SGCE: variants seen among roughly 807,000 people sequenced by gnomAD.
The protein encoded by SGCE is epsilon-sarcoglycan.
In SGCE, 26 loss-of-function variants were observed where a neutral mutation model predicts 57.8. The observed-to-expected ratio is 0.45, with a 90% CI of 0.33 to 0.62. The LOEUF is 0.62. Ranked by LOEUF, SGCE falls within the 20% of genes least tolerant of loss-of-function variation. The pLI, the probability that SGCE is intolerant of heterozygous loss-of-function variation, is 0.02. For synonymous variants in SGCE, 183 were observed against 189.5 expected (o/e 0.97, Z 0.28); for missense variants, 468 against 548.6 (o/e 0.85, Z 1.47).
chr7:94,609,091 C>A lies in SGCE; in HGVS notation c.663-5639G>T, dbSNP rs937640128. ...TGGACTTAATTAAAATTAAAAATTT[C>A]TCTTCTGCAAAAGACACTGCCAGTA... On this transcript the variant is annotated intron_variant, in intron 5 of 10. Coordinates refer to ENST00000648936, the MANE Select transcript of SGCE (RefSeq NM_003919.3). Among the ~76,000 whole-genome samples the A allele has an allele frequency of 4.6e-5, 7 of 152,292 alleles. No homozygotes were observed. The East Asian group carries it at 9.6e-4, about 21-fold the overall frequency.
Position 94,585,327 on chromosome 7 carries a change from A to G in SGCE, c.*172T>C, listed in dbSNP as rs112954947. ...TGTCAAAAATGCTTTAAGTACAAAA[A>G]AATACATTAGTAAAATGAAAGTTAT... On this transcript the variant is annotated 3_prime_UTR_variant, in exon 11 of 11. Transcript: ENST00000648936. The G allele has an allele frequency of 4.1e-4, 226 of 552,344 alleles. No homozygotes were observed. The highest frequency in any genetic ancestry group is 6.6e-4 in the Non-Finnish European group (205 of 310,154). 34.2% of individuals were successfully genotyped at this position (552,344 alleles called of 1,614,324 possible).
chr7:94,624,279 T>C (rs1446697075), intron 3 of SGCE: 2 of 397,934 alleles, frequency 5.0e-6, no homozygotes, highest in Non-Finnish European at 8.9e-6. Flanking sequence ...TAAAACTGAC[T>C]TCAACTAAAA....
At chr7:94,610,626 C>A (rs1800872612) in intron 5 of SGCE, among the ~76,000 whole-genome samples, 3 of 151,956 alleles carry the variant, frequency 2.0e-5, no homozygotes, top group Admixed American at 6.6e-5. Context: ...ACACTAAAAG[C>A]TCCAGCAGTA....
intron 4 of SGCE, chr7:94,620,756 T>A (rs1336292557): frequency 2.6e-5 from 4 of 152,262 alleles, no homozygotes; most frequent in African/African-American, 9.6e-5. Flanking sequence ...TGACCCAGCT[T>A]CATGGCTCCT....
intron 7 of SGCE, 123 bp from the exon 8 acceptor site, chr7:94,599,846 A>T: frequency 1.3e-6 from 1 of 775,996 alleles, no homozygotes; most frequent in Non-Finnish European, 2.3e-6. Context: ...AAATGCAACC[A>T]GGCAGCATTT....
At chr7:94,654,945 G>A (rs1439658750) in intron 1 of SGCE, among the ~76,000 whole-genome samples, 1 of 152,190 alleles carries the variant, frequency 6.6e-6, no homozygotes, top group Non-Finnish European at 1.5e-5. Context: ...TGACACTGAG[G>A]CGCTTAGATG....
chr7:94,639,179 A>C (rs1806029610), intron 1 of SGCE, among the ~76,000 whole-genome samples: 2 of 152,218 alleles, frequency 1.3e-5, no homozygotes, highest in African/African-American at 4.8e-5. Context: ...ACGGGATCTA[A>C]AACAGAAGTT....
At chr7:94,622,274 C>A (rs1802910581) in intron 4 of SGCE, 1 of 152,094 alleles carries the variant, frequency 6.6e-6, no homozygotes, top group Non-Finnish European at 1.5e-5. Flanking sequence ...GGATCAGTTT[C>A]CCTCCTGTCA....
intron 10 of SGCE, chr7:94,587,903 T>G: frequency 6.7e-7 from 1 of 1,488,042 alleles, no homozygotes; most frequent in Non-Finnish European, 8.9e-7. Flanking sequence ...TTTAAGAGAC[T>G]TACTTAATAG....
At chr7:94,614,674 T>TTTATA (rs1801612186) in intron 5 of SGCE, among the ~76,000 whole-genome samples, 1 of 152,140 alleles carries the variant, frequency 6.6e-6, no homozygotes, top group African/African-American at 2.4e-5. Flanking sequence ...CTTTTTCAGG[T>TTTATA]GTAGAAATGT....
At chr7:94,591,854 T>C (rs1299466426) in intron 9 of SGCE, among the ~76,000 whole-genome samples, 2 of 152,168 alleles carry the variant, frequency 1.3e-5, no homozygotes. Flanking sequence ...AGAAGATGCA[T>C]AAGAAAGCAA....
chr7:94,598,658 T>C (rs1798766881), intron 9 of SGCE, 117 bp downstream of exon 9: 3 of 806,264 alleles, frequency 3.7e-6, no homozygotes, highest in Admixed American at 3.5e-5. Context: ...TGTCCTTTTG[T>C]TATTTTCTCT....
At position 94,598,930 on chromosome 7, in the gene SGCE, T is replaced by C; in HGVS notation, c.1098A>G (p.Lys366=). The part of the protein sequence containing the change: ...IQLVHHSAIQ[K]STKELRDMSK... ...ACATGTCTCGAAGCTCCTTGGTAGA[T>C]TTCTGAATAGCACTGTGATGGACCA... Residue 366 remains lysine (K), a synonymous_variant, in exon 9 of 11, where the codon AAA becomes AAG. Transcript: ENST00000648936. 1 of 1,613,954 alleles carries C rather than the reference T, an allele frequency of 6.2e-7. No homozygotes were observed.
chr7:94,637,052 T>G (rs188685167), intron 1 of SGCE, among the ~76,000 whole-genome samples: 1 of 143,236 alleles, frequency 7.0e-6, no homozygotes, highest in African/African-American at 2.6e-5. Context: ...AGAGCGAAAC[T>G]CCATCTCAAA....
intron 1 of SGCE, 45 bp downstream of exon 1, chr7:94,655,945 G>A: frequency 8.0e-7 from 1 of 1,257,690 alleles, no homozygotes; most frequent in Non-Finnish European, 1.2e-6. Flanking sequence ...GGGAGGCGGC[G>A]GCCTGTTGGC....
At chr7:94,617,762 C>T (rs1426940996) in intron 5 of SGCE, 1 of 145,710 alleles carries the variant, frequency 6.9e-6, no homozygotes, top group African/African-American at 2.6e-5. Context: ...TTGGACTTTA[C>T]AGCTCACTGT....
chr7:94,636,291 G>A (rs1805585669), intron 1 of SGCE, among the ~76,000 whole-genome samples: 1 of 152,132 alleles, frequency 6.6e-6, no homozygotes, highest in African/African-American at 2.4e-5. Flanking sequence ...AGCTTTATAT[G>A]TCATCCTGTC....
rs575076257 is a variant in SGCE at position 94,619,055 on chromosome 7, C to T, written c.464-99G>A. The stretch of plus-strand genomic sequence containing the variant: ...GCGATTTGTTGAGTTCTGTCATAAT[C>T]CTGGCAGCAGGAAGCAATATTAATA... On this transcript the variant is annotated intron_variant, in intron 4 of 10. Coordinates refer to ENST00000648936, the MANE Select transcript of SGCE (RefSeq NM_003919.3). 5.9e-6 allele frequency: 5 copies of T among 854,388 alleles called. No homozygotes were observed. In the African/African-American group the frequency reaches 8.3e-5, roughly 14 times the overall value. 52.9% of individuals were successfully genotyped at this position (854,388 alleles called of 1,614,324 possible).
chr7:94,652,629 A>C (rs773428770), intron 1 of SGCE, among the ~76,000 whole-genome samples: 60 of 152,230 alleles, frequency 3.9e-4, no homozygotes, highest in Non-Finnish European at 8.2e-4. Context: ...GAGACAAGTG[A>C]AAATGCCACT....
Sources: allele counts gnomAD v4.1 joint callset (sites outside exome capture counted in the v4.1 genomes callset), GRCh38; gene constraint gnomAD v4.1.1; transcripts MANE v1.5; gene names NCBI Gene and HGNC (gene_info 2026-07-23, HGNC 2026-07-21).